The following DOP1B variants were observed in gnomAD, a reference collection of about 807,000 sequenced individuals.
DOP1B encodes DOP1 leucine zipper like protein B, also known as protein DOP1B.
In DOP1B, 174 loss-of-function variants were observed where a neutral mutation model predicts 233.5. That is an observed-to-expected ratio of 0.75 (90% CI 0.66 to 0.85). The LOEUF is 0.85. Ranked by LOEUF, DOP1B falls within the 40% of genes least tolerant of loss-of-function variation. DOP1B has a pLI of 0.00. For synonymous variants in DOP1B, 1,190 were observed against 1,185.6 expected, an observed-to-expected ratio of 1.00 and a Z score of -0.08; for missense variants, 2,652 against 2,846.6, an observed-to-expected ratio of 0.93 and a Z score of 1.56.
intron 2 of DOP1B, among the ~76,000 whole-genome samples, chr21:36,193,019 TA>T (rs1270191648): frequency 6.6e-6 from 1 of 152,168 alleles, no homozygotes; most frequent in Non-Finnish European, 1.5e-5. Context: ...AGGAAATTCA[TA>T]CTGTTTTATC....
intron 31 of DOP1B, among the ~76,000 whole-genome samples, chr21:36,280,835 C>G (rs1386937371): frequency 1.3e-5 from 2 of 151,894 alleles, no homozygotes; most frequent in Admixed American, 6.6e-5. Context: ...AACCCCGTCT[C>G]TACTAAAAAT....
chr21:36,209,294 G>T (rs2066465257), intron 5 of DOP1B, among the ~76,000 whole-genome samples: 1 of 152,118 alleles, frequency 6.6e-6, no homozygotes, highest in Admixed American at 6.5e-5. Context: ...GCTAATTTTT[G>T]TGTTTTTAGT....
At chr21:36,202,857 G>C (rs1490632397) in intron 4 of DOP1B, among the ~76,000 whole-genome samples, 2 of 152,196 alleles carry the variant, frequency 1.3e-5, no homozygotes, top group African/African-American at 4.8e-5. Context: ...ATAGGAGGCA[G>C]CTGGAGGACA....
chr21:36,217,529 T>G (rs1007370681), intron 9 of DOP1B, among the ~76,000 whole-genome samples: 2 of 152,178 alleles, frequency 1.3e-5, no homozygotes, highest in Non-Finnish European at 2.9e-5. Flanking sequence ...CTTGCCTGAT[T>G]GCACTCAGAG....
chr21:36,246,035 T>C lies in DOP1B; in HGVS notation c.4055T>C (p.Leu1352Ser). Residue 1352 changes from leucine (L) to serine (S), a missense_variant, in exon 19 of 37, where the codon TTG (leucine) becomes TCG (serine). Coordinates refer to ENST00000691173, the MANE Select transcript of DOP1B (RefSeq NM_001320714.2). The surrounding 1 kb of genome is among the most constrained non-coding windows in gnomAD (Gnocchi z 5.1). ...GTGCAGGTCAAAAGTGTCGAGGTTTTGATCAGGATAATGATGCAGCTGGTC... is the reference window on the plus strand; with the variant it reads ...GTGCAGGTCAAAAGTGTCGAGGTTTCGATCAGGATAATGATGCAGCTGGTC... ...RDVQVKSVEV[L>S]IRIMMQLVSV... is the part of the protein sequence containing the mutation. 1.2e-6 allele frequency: 2 copies of C among 1,613,960 alleles called. No homozygotes were observed. The highest frequency in any genetic ancestry group is 2.2e-5 in the South Asian group (2 of 91,076).
Position 36,219,729 on chromosome 21 carries a change from G to T in DOP1B, c.1250+237G>T, listed in dbSNP as rs115745416. 4.1e-3 allele frequency among the ~76,000 whole-genome samples: 631 copies of T among 152,116 alleles called. 4 individuals are homozygous for T. The highest frequency in any genetic ancestry group is 0.014 in the African/African-American group (593 of 41,506). On this transcript the variant is annotated intron_variant, in intron 10 of 36. Coordinates refer to ENST00000691173, the MANE Select transcript of DOP1B (RefSeq NM_001320714.2). ...TGATATAGTCTTTCCCCCAGCCTGG[G>T]ATGGACAGGTATTTATTGATTTTTT...
intron 12 of DOP1B, 110 bp downstream of exon 12, chr21:36,225,777 T>C: frequency 9.3e-7 from 1 of 1,071,556 alleles, no homozygotes; most frequent in Non-Finnish European, 1.4e-6. Flanking sequence ...TACATAAATA[T>C]GCAACACTGT....
At chr21:36,234,599 G>A (rs1461751230) in intron 15 of DOP1B, among the ~76,000 whole-genome samples, 1 of 151,594 alleles carries the variant, frequency 6.6e-6, no homozygotes, top group Non-Finnish European at 1.5e-5. Context: ...TGCCCAGGCT[G>A]GAGTGCAATG....
In DOP1B at chr21:36,292,084, C is replaced by G. The variant is rs1158063864; in HGVS notation, c.6516-20C>G. The G allele has an allele frequency of 3.2e-6, 5 of 1,579,566 alleles. No homozygotes were observed. In the East Asian group the frequency reaches 1.1e-4, roughly 36 times the overall value. ...AAGGCCTCTTACCAGCAGACCTGAC[C>G]TTCTGTTTGTTCCCTGCAGTTATAG... is the stretch of plus-strand genomic sequence containing the variant. On this transcript the variant is annotated intron_variant, in intron 35 of 36. Coordinates refer to ENST00000691173, the MANE Select transcript of DOP1B (RefSeq NM_001320714.2).
chr21:36,167,404 A>C (rs952831256), intron 2 of DOP1B, among the ~76,000 whole-genome samples: 1 of 152,062 alleles, frequency 6.6e-6, no homozygotes, highest in Non-Finnish European at 1.5e-5. Flanking sequence ...CGAACTCCTG[A>C]CCTCAAGTGA....
chr21:36,169,904 C>T lies in DOP1B; in HGVS notation c.138+5033C>T, dbSNP rs1163141273. On this transcript the variant is annotated intron_variant, in intron 2 of 36. Transcript: ENST00000691173. ...GTCCGGAGGCCTCAAGGGGTTTCCA[C>T]GTAGCCCGCAATGCCCACAACCACC... is the stretch of plus-strand genomic sequence containing the variant. The T allele has an allele frequency of 9.0e-6, 7 of 778,492 alleles. No individual in the cohort carries two copies. In the African/African-American group the frequency reaches 1.0e-4, roughly 11 times the overall value. 48.2% of individuals were successfully genotyped at this position (778,492 alleles called of 1,614,324 possible).
At chr21:36,274,481 C>T (rs1314120963) in intron 27 of DOP1B, among the ~76,000 whole-genome samples, 1 of 151,984 alleles carries the variant, frequency 6.6e-6, no homozygotes, top group African/African-American at 2.4e-5. Context: ...CATGTTAAGT[C>T]GGAAATGATG....
intron 24 of DOP1B, chr21:36,261,636 G>A (rs1361863368): frequency 1.0e-6 from 1 of 985,432 alleles, no homozygotes; most frequent in Non-Finnish European, 1.2e-6. Context: ...GCTGGGTGCG[G>A]TGGCTCAACG....
chr21:36,214,170 T>C lies in DOP1B; in HGVS notation c.994T>C (p.Ser332Pro). The C allele has an allele frequency of 3.1e-6, 5 of 1,611,470 alleles. No individual in the cohort carries two copies. Among genetic ancestry groups the C allele is most frequent in the Non-Finnish European group, 2.5e-6 (3 of 1,178,520 alleles). Residue 332 changes from serine to proline, a missense_variant, in exon 8 of 37, where the codon TCC becomes CCC. Around this residue, in one of 3 missense-constraint regions of DOP1B, gnomAD observed 2,617 missense variants for 2,794.3 expected, o/e 0.94. Transcript: ENST00000691173. ...DQSSYFFEKY[S>P]KDLLVEGLAE... is the part of the protein sequence containing the mutation. ...GTCGTCTTATTTTTTTGAAAAATAC[T>C]CCAAGGATCTTTTAGTTGAGGTAAA...
At chr21:36,178,705 T>G (rs1444291258) in intron 2 of DOP1B, among the ~76,000 whole-genome samples, 1 of 152,252 alleles carries the variant, frequency 6.6e-6, no homozygotes, top group Non-Finnish European at 1.5e-5. Context: ...AGCAACTGTT[T>G]GAACAGGAAT....
chr21:36,165,983 C>G (rs570088634), intron 2 of DOP1B, among the ~76,000 whole-genome samples: 1 of 150,644 alleles, frequency 6.6e-6, no homozygotes, highest in African/African-American at 2.4e-5. Context: ...TCCCAAAGTG[C>G]TGGGGTCACA....
chr21:36,167,680 G>A (rs945587587), intron 2 of DOP1B, among the ~76,000 whole-genome samples: 2 of 151,798 alleles, frequency 1.3e-5, no homozygotes, highest in Non-Finnish European at 1.5e-5. Context: ...AAGGAAACCC[G>A]TACCCATTCA....
At chr21:36,191,602 A>G (rs2066234901) in intron 2 of DOP1B, among the ~76,000 whole-genome samples, 1 of 152,216 alleles carries the variant, frequency 6.6e-6, no homozygotes, top group Admixed American at 6.5e-5. Context: ...TCTGGCCAAC[A>G]TAGTGAAACC....
At chr21:36,262,961 G>T (rs1000926802) in intron 24 of DOP1B, among the ~76,000 whole-genome samples, 1 of 150,772 alleles carries the variant, frequency 6.6e-6, no homozygotes. Flanking sequence ...AAGGCCGGGC[G>T]CAGTGGCTCA....
Sources: allele counts gnomAD v4.1 joint callset (sites outside exome capture counted in the v4.1 genomes callset), GRCh38; gene constraint gnomAD v4.1.1; regional missense constraint gnomAD v4.1.1; non-coding constraint Gnocchi (gnomAD v3.1); transcripts MANE v1.5; gene names NCBI Gene and HGNC (gene_info 2026-07-23, HGNC 2026-07-21).